PRKG1: variants seen among roughly 807,000 people sequenced by gnomAD.
PRKG1 encodes protein kinase cGMP-dependent 1, also known as cGMP-dependent protein kinase 1.
In PRKG1, 35 loss-of-function variants were observed where a neutral mutation model predicts 88.1. The observed-to-expected ratio is 0.40, with a 90% CI of 0.30 to 0.53. The LOEUF (loss-of-function observed/expected upper bound fraction) is 0.53. Ranked by LOEUF, PRKG1 falls within the 20% of genes least tolerant of loss-of-function variation. PRKG1 has a pLI of 0.59. For missense variants in PRKG1, 540 were observed against 839.8 expected (o/e 0.64, Z 4.41); for synonymous variants, 303 against 292.5 (o/e 1.04, Z -0.37).
At chr10:51,384,621 A>G (rs1837200424) in intron 2 of PRKG1, among the ~76,000 whole-genome samples, 1 of 152,080 alleles carries the variant, frequency 6.6e-6, no homozygotes, top group Admixed American at 6.6e-5. Context: ...TCACCCAGCT[A>G]TTTTTATCGT....
intron 3 of PRKG1, among the ~76,000 whole-genome samples, chr10:51,723,706 G>A (rs948029605): frequency 6.6e-6 from 1 of 151,988 alleles, no homozygotes; most frequent in African/African-American, 2.4e-5. Flanking sequence ...AACCTTGAAA[G>A]ATCAAAATAT....
At chr10:51,743,244 C>T (rs1161607601) in intron 3 of PRKG1, among the ~76,000 whole-genome samples, 7 of 152,074 alleles carry the variant, frequency 4.6e-5, no homozygotes, top group Admixed American at 4.6e-4. Flanking sequence ...CAGTCTTTGG[C>T]CTCCCACAGA....
intron 3 of PRKG1, among the ~76,000 whole-genome samples, chr10:51,590,838 C>T (rs1332543054): frequency 1.3e-5 from 2 of 152,020 alleles, no homozygotes; most frequent in Non-Finnish European, 2.9e-5. Flanking sequence ...GGTATTGCAA[C>T]CTCAATAAAA....
chr10:51,734,781 A>G (rs1014465574), intron 3 of PRKG1, among the ~76,000 whole-genome samples: 8 of 152,196 alleles, frequency 5.3e-5, no homozygotes, highest in African/African-American at 1.7e-4. Flanking sequence ...TCCACTGAAA[A>G]GTTCAATAGT....
chr10:51,341,521 T>C (rs564554988), intron 2 of PRKG1, among the ~76,000 whole-genome samples: 6 of 152,168 alleles, frequency 3.9e-5, no homozygotes, highest in Non-Finnish European at 8.8e-5. Flanking sequence ...CTAAGGCAAG[T>C]GTTATGGCTG....
chr10:51,738,317 G>A (rs927758398), intron 3 of PRKG1, among the ~76,000 whole-genome samples: 1 of 152,108 alleles, frequency 6.6e-6, no homozygotes, highest in African/African-American at 2.4e-5. Context: ...GACGTTTGTA[G>A]GATCCATGTC....
intron 5 of PRKG1, among the ~76,000 whole-genome samples, chr10:51,965,117 T>G (rs1360176906): frequency 6.6e-6 from 1 of 152,192 alleles, no homozygotes; most frequent in African/African-American, 2.4e-5. Context: ...CAGGGGTACG[T>G]ATGCAGGTTT....
chr10:51,716,613 G>A (rs1462576756), intron 3 of PRKG1, among the ~76,000 whole-genome samples: 1 of 152,168 alleles, frequency 6.6e-6, no homozygotes, highest in Admixed American at 6.5e-5. Flanking sequence ...ATTAAAACAA[G>A]TTCTTCATTG....
At chr10:51,507,624 G>A (rs543794458) in intron 3 of PRKG1, among the ~76,000 whole-genome samples, 1 of 152,220 alleles carries the variant, frequency 6.6e-6, no homozygotes, top group Admixed American at 6.6e-5. Flanking sequence ...CACTAGGTTT[G>A]TTAAGGAGGT....
chr10:52,112,478 C>T (rs1381227825), intron 7 of PRKG1, among the ~76,000 whole-genome samples: 1 of 152,046 alleles, frequency 6.6e-6, no homozygotes, highest in East Asian at 1.9e-4. Flanking sequence ...TTCATGGACC[C>T]AAGGTTCATA....
At chr10:52,133,220 G>A (rs1475407459) in intron 7 of PRKG1, among the ~76,000 whole-genome samples, 7 of 151,978 alleles carry the variant, frequency 4.6e-5, no homozygotes, top group Non-Finnish European at 7.4e-5. Context: ...TGATAGATAC[G>A]AATGCAGTAA....
chr10:51,802,557 T>C (rs985521850), intron 3 of PRKG1, among the ~76,000 whole-genome samples: 1 of 152,126 alleles, frequency 6.6e-6, no homozygotes, highest in African/African-American at 2.4e-5. Flanking sequence ...CAGGTGAACT[T>C]CATGTACATA....
intron 8 of PRKG1, among the ~76,000 whole-genome samples, chr10:52,149,289 C>T (rs752967586): frequency 1.3e-5 from 2 of 151,156 alleles, no homozygotes; most frequent in Non-Finnish European, 3.0e-5. Context: ...TTTTTATGAA[C>T]CTTTCAAAAA....
intron 3 of PRKG1, among the ~76,000 whole-genome samples, chr10:51,570,048 A>AGT (rs1837706016): frequency 2.4e-5 from 2 of 84,950 alleles, no homozygotes; most frequent in African/African-American, 8.2e-5. Context: ...CACCCAAACT[A>AGT]GTATATATAT....
At chr10:51,030,819 T>G (rs1178946107) in intron 1 of PRKG1, among the ~76,000 whole-genome samples, 1 of 152,182 alleles carries the variant, frequency 6.6e-6, no homozygotes, top group African/African-American at 2.4e-5. Flanking sequence ...CCTGAAGTCC[T>G]GACCAGAAGC....
intron 5 of PRKG1, among the ~76,000 whole-genome samples, chr10:51,985,863 A>G (rs1466356597): frequency 6.6e-6 from 1 of 152,152 alleles, no homozygotes; most frequent in Non-Finnish European, 1.5e-5. Flanking sequence ...ATCCTGTTAG[A>G]CCCGTTGCAA....
In PRKG1 at chr10:51,792,772, G is replaced by C. The variant is rs75321008; in HGVS notation, c.593-11813G>C. ...CCTGCCATCACATGAACTCTGGATG[G>C]TTCACACAGCTTTGACTTTTAAAGA... On this transcript the variant is annotated intron_variant, in intron 3 of 17. Transcript: ENST00000373980. Among the ~76,000 whole-genome samples the C allele has an allele frequency of 7.9e-3, 1,195 of 152,122 alleles. 14 individuals carry two copies. The highest frequency in any genetic ancestry group is 0.027 in the African/African-American group (1,122 of 41,480).
chr10:51,885,482 A>G (rs1396294956), intron 4 of PRKG1, among the ~76,000 whole-genome samples: 3 of 152,230 alleles, frequency 2.0e-5, no homozygotes, highest in East Asian at 3.8e-4. Context: ...TGTTACATAG[A>G]CTGACAGAAT....
chr10:51,232,537 CA>C (rs1230675719), intron 2 of PRKG1, among the ~76,000 whole-genome samples: 1 of 129,388 alleles, frequency 7.7e-6, no homozygotes, highest in Non-Finnish European at 1.6e-5. Context: ...TTTTACACCC[CA>C]ATGATTATTA....
Sources: allele counts gnomAD v4.1 joint callset (sites outside exome capture counted in the v4.1 genomes callset), GRCh38; gene constraint gnomAD v4.1.1; transcripts MANE v1.5; gene names NCBI Gene and HGNC (gene_info 2026-07-23, HGNC 2026-07-21).